CLTC: variants seen among roughly 807,000 people sequenced by gnomAD.
The protein encoded by CLTC is clathrin heavy chain 1.
CLTC carries 16 observed loss-of-function variants against 195.8 expected under a neutral mutation model. The ratio of observed to expected loss-of-function variants is 0.08; its 90% CI spans 0.06 to 0.12. The LOEUF (loss-of-function observed/expected upper bound fraction) is 0.12, where lower values mean the gene tolerates loss of function less well. Among genes scored for constraint, CLTC ranks in the 10% least tolerant of loss-of-function variants. The pLI is 1.00. For missense variants in CLTC, 796 were observed against 2,027.0 expected (o/e 0.39, Z 11.66); for synonymous variants, 667 against 689.4 (o/e 0.97, Z 0.51).
rs1000238898 is a variant in CLTC, at chr17:59,648,468, A to G, written c.681+67A>G. 5.8e-6 allele frequency: 8 copies of G among 1,373,506 alleles called. No individual in the cohort carries two copies. The Admixed American group carries it at 1.0e-4, about 18-fold the overall frequency. The allele number at this position is 1,373,506 out of a possible 1,614,324, so 85.1% of individuals were successfully genotyped here. On this transcript the variant is annotated intron_variant, in intron 4 of 31. Coordinates refer to ENST00000269122, the MANE Select transcript of CLTC (RefSeq NM_004859.4). The surrounding 1 kb of genome is among the most constrained non-coding windows in gnomAD (Gnocchi z 4.5). Reference sequence around the variant, plus strand: ...TTTGGCTTTCTGCTATGAATTAGTCATCTAATTTCAAAATAGCCTTCTCCC... The same window carrying G: ...TTTGGCTTTCTGCTATGAATTAGTCGTCTAATTTCAAAATAGCCTTCTCCC...
chr17:59,679,503 G>A lies in CLTC; in HGVS notation c.2903G>A (p.Arg968Lys). The A allele has an allele frequency of 1.3e-6, 2 of 1,598,980 alleles. No homozygotes were observed. The highest frequency in any genetic ancestry group is 1.7e-6 in the Non-Finnish European group (2 of 1,172,142). Residue 968 changes from arginine (R) to lysine (K), a missense_variant, in exon 18 of 32, where the codon AGA (arginine) becomes AAA (lysine). By Grantham distance (26) the Arg-to-Lys change is conservative (BLOSUM62 2). This residue lies in a region of CLTC where 160 missense variants were observed against 448.2 expected (regional missense o/e 0.36). Transcript: ENST00000269122. ...SVLLESNPYRRPLIDQVVQTA... is the reference protein window; with the variant it reads ...SVLLESNPYRKPLIDQVVQTA... Reference sequence around the variant, plus strand: ...CTGCTGGAAAGCAATCCTTACAGGAGACCCCTAATTGACCAGGTAACATTG... The same window carrying A: ...CTGCTGGAAAGCAATCCTTACAGGAAACCCCTAATTGACCAGGTAACATTG...
intron 14 of CLTC, among the ~76,000 whole-genome samples, chr17:59,669,167 A>G (rs2032792221): frequency 6.6e-6 from 1 of 152,200 alleles, no homozygotes; most frequent in Non-Finnish European, 1.5e-5. Context: ...AGAAAAAAAA[A>G]ATAGCACTAT....
At chr17:59,684,030 TTA>T (rs750308218) in intron 28 of CLTC, 45 bp downstream of exon 28, 6 of 1,237,338 alleles carry the variant, frequency 4.8e-6, no homozygotes, top group Non-Finnish European at 7.0e-6. Flanking sequence ...ACTCATAAAG[TTA>T]TGTTTTCCCA....
At chr17:59,671,787 G>GTAC (rs1330099415) in intron 14 of CLTC, among the ~76,000 whole-genome samples, 2 of 152,114 alleles carry the variant, frequency 1.3e-5, no homozygotes, top group Non-Finnish European at 2.9e-5. Context: ...CTTGTGCCCT[G>GTAC]TACTACTATT....
intron 6 of CLTC, chr17:59,658,702 C>T (rs1210073739): frequency 1.3e-5 from 2 of 152,124 alleles, no homozygotes; most frequent in African/African-American, 4.8e-5. Flanking sequence ...TTTCTGTTTC[C>T]TGTAGCAGAT....
intron 30 of CLTC, among the ~76,000 whole-genome samples, chr17:59,686,116 G>A (rs7209894): frequency 0.82 from 124,682 of 152,060 alleles, 51,377 homozygotes; most frequent in South Asian, 0.93. Flanking sequence ...CAGTTCTTGT[G>A]ACTCAAATAT....
chr17:59,664,845 A>C lies in CLTC; in HGVS notation c.1580A>C (p.Asp527Ala). 1 of 1,614,128 alleles carries C rather than the reference A, an allele frequency of 6.2e-7. No homozygotes were observed. The highest frequency in any genetic ancestry group is 8.5e-7 in the Non-Finnish European group (1 of 1,179,982). Residue 527 changes from aspartate (D) to alanine (A), a missense_variant, in exon 10 of 32, where the codon GAT (aspartate) becomes GCT (alanine). Coordinates refer to ENST00000269122, the MANE Select transcript of CLTC (RefSeq NM_004859.4). Reference sequence around the variant, plus strand: ...AGAAATGTAATGCGAATCAGTCCAGATCAGGGACAGCAGTTTGCCCAAATG... The same window carrying C: ...AGAAATGTAATGCGAATCAGTCCAGCTCAGGGACAGCAGTTTGCCCAAATG... Reference protein sequence around the residue: ...LLRNVMRISPDQGQQFAQMLV... With the variant: ...LLRNVMRISPAQGQQFAQMLV...
chr17:59,666,939 C>G lies in CLTC; in HGVS notation c.2090C>G (p.Ser697Cys), dbSNP rs746870889. ...TATCATGAACAACTGTCAACTCAGT[C>G]TCTGATTGAACTTTTTGAATCTTTC... The part of the protein sequence containing the change: ...SKYHEQLSTQ[S>C]LIELFESFKS... The change falls in exon 13 of 32, where the codon TCT (serine) becomes TGT (cysteine). Residue 697 changes from serine to cysteine, a missense_variant. Transcript: ENST00000269122. This position sits in a 1 kb window ranked among gnomAD's most constrained non-coding sequence, Gnocchi z 4.9. 6.2e-7 allele frequency: 1 copy of G among 1,613,388 alleles called. No individual in the cohort carries two copies. Among genetic ancestry groups the G allele is most frequent in the Admixed American group, 1.7e-5 (1 of 59,888 alleles).
intron 15 of CLTC, 81 bp from the exon 16 acceptor site, chr17:59,674,620 C>T (rs537863341): frequency 1.3e-5 from 17 of 1,282,916 alleles, no homozygotes; most frequent in East Asian, 5.2e-5. Flanking sequence ...AGCTTAAAAG[C>T]GATAGAGATA....
At chr17:59,679,345 T>TA (rs1157907391) in intron 17 of CLTC, 52 bp from the exon 18 acceptor site, 7 of 1,476,050 alleles carry the variant, frequency 4.7e-6, no homozygotes, top group Non-Finnish European at 6.5e-6. Context: ...TAAAATGCTA[T>TA]AAAAAGTCCT....
chr17:59,619,941 C>T lies in CLTC; in HGVS notation c.-191C>T. ...TGCGCCCGGTTCCGCCATTGCGGCT[C>T]TCCTGGCCCCTGGAGCCTCCGCCCC... On this transcript the variant is annotated 5_prime_UTR_variant, in exon 1 of 32. Coordinates refer to ENST00000269122, the MANE Select transcript of CLTC (RefSeq NM_004859.4). 3 of 580,044 alleles carry T rather than the reference C, an allele frequency of 5.2e-6. No individual in the cohort carries two copies. Among genetic ancestry groups the T allele is most frequent in the Non-Finnish European group, 9.2e-6 (3 of 325,014 alleles). 35.9% of individuals were successfully genotyped at this position (580,044 alleles called of 1,614,324 possible).
chr17:59,668,533 G>C (rs1348684279), intron 13 of CLTC, among the ~76,000 whole-genome samples: 2 of 152,126 alleles, frequency 1.3e-5, no homozygotes, highest in African/African-American at 2.4e-5. Flanking sequence ...CTGGGTGACA[G>C]AGACCTGCCT....
chr17:59,663,691 T>G, intron 8 of CLTC, 151 bp from the exon 9 acceptor site: 1 of 585,418 alleles, frequency 1.7e-6, no homozygotes. Context: ...AGATTAAGAG[T>G]CTACCAACCA....
Position 59,659,762 on chromosome 17 carries a change from C to T in CLTC, c.970-629C>T, listed in dbSNP as rs555930409. ...TGCACCCGGCCTATTTTTTCAAGCA[C>T]CTACCATGTTCCTTGTATTATGTTA... On this transcript the variant is annotated intron_variant, in intron 6 of 31. Transcript: ENST00000269122. 7.4e-4 allele frequency among the ~76,000 whole-genome samples: 113 copies of T among 151,982 alleles called. 1 individual carries two copies. Among genetic ancestry groups the T allele is most frequent in the African/African-American group, 2.6e-3 (107 of 41,502 alleles).
Position 59,680,982 on chromosome 17 carries a change from C to T in CLTC, c.2990C>T (p.Thr997Ile). Residue 997 changes from threonine (T) to isoleucine (I), a missense_variant, in exon 19 of 32, where the codon ACT becomes ATT. By Grantham distance (89) the Thr-to-Ile change is moderately conservative. Coordinates refer to ENST00000269122, the MANE Select transcript of CLTC (RefSeq NM_004859.4). ...TCAGTAACTGTAAAGGCTTTCATGA[C>T]TGCAGACCTTCCTAATGAACTCATT... ...EVSVTVKAFM[T>I]ADLPNELIEL... The T allele has an allele frequency of 6.2e-7, 1 of 1,613,838 alleles. No individual in the cohort carries two copies. Among genetic ancestry groups the T allele is most frequent in the Non-Finnish European group, 8.5e-7 (1 of 1,179,754 alleles).
chr17:59,667,762 G>T (rs902073884), intron 13 of CLTC, among the ~76,000 whole-genome samples: 2 of 152,190 alleles, frequency 1.3e-5, no homozygotes. Context: ...GACATTGCCA[G>T]TGTCACCTGT....
intron 5 of CLTC, among the ~76,000 whole-genome samples, chr17:59,655,644 C>T (rs2032448406): frequency 6.6e-6 from 1 of 152,160 alleles, no homozygotes; most frequent in African/African-American, 2.4e-5. Context: ...TGTCTTTCCT[C>T]TTATCAGTTT....
At chr17:59,674,636 T>C in intron 15 of CLTC, 65 bp from the exon 16 acceptor site, 2 of 1,433,984 alleles carry the variant, frequency 1.4e-6, no homozygotes, top group Non-Finnish European at 1.9e-6. Flanking sequence ...AGATAAATGC[T>C]TTTTTAAAAT....
chr17:59,673,616 TAA>T, intron 14 of CLTC, 29 bp from the exon 15 acceptor site: 1 of 1,578,308 alleles, frequency 6.3e-7, no homozygotes, highest in Non-Finnish European at 8.7e-7. Flanking sequence ...AGAAGAAATT[TAA>T]AGTTTCCTTT....
Sources: gnomAD v4.1 joint callset for allele counts (sites outside exome capture counted in the v4.1 genomes callset) on GRCh38, gnomAD v4.1.1 for gene constraint, gnomAD v4.1.1 regional missense constraint, Gnocchi (gnomAD v3.1) non-coding constraint, MANE v1.5 for transcripts, NCBI Gene and HGNC (gene_info 2026-07-23, HGNC 2026-07-21) for gene names.